Variants in DIP2C observed in about 807,000 individuals in gnomAD.
The protein encoded by DIP2C is disco-interacting protein 2 homolog C.
DIP2C carries 33 observed loss-of-function variants against 192.4 expected under a neutral mutation model. The observed-to-expected ratio is 0.17, with a 90% CI of 0.13 to 0.23. DIP2C has a LOEUF of 0.23. Among genes scored for constraint, DIP2C ranks in the 10% least tolerant of loss-of-function variants. The pLI is 1.00. For synonymous variants in DIP2C, 979 were observed against 864.1 expected (o/e 1.13, Z -2.33); for missense variants, 1,537 against 2,110.1 (o/e 0.73, Z 5.32).
rs1242303313 is a variant in DIP2C, at chr10:371,596, C to T, written c.1992-1963G>A. ...TACCCATCCAGGATAGCTGAGCACC[C>T]AAGGCTGGGGTGAGGCCCAGGGCGG... On this transcript the variant is annotated intron_variant, in intron 17 of 36. Transcript: ENST00000280886. Among the ~76,000 whole-genome samples the T allele has an allele frequency of 2.6e-5, 4 of 151,936 alleles. 1 individual carries two copies. The highest frequency in any genetic ancestry group is 1.3e-4 in the Admixed American group (2 of 15,278).
intron 1 of DIP2C, among the ~76,000 whole-genome samples, chr10:613,872 C>T (rs61833001): frequency 0.032 from 4,874 of 152,176 alleles, 155 homozygotes; most frequent in African/African-American, 0.078. Flanking sequence ...CTCCTGATCT[C>T]GGCCATCTGA....
At chr10:495,356 GCAT>G (rs1370532868) in intron 1 of DIP2C, among the ~76,000 whole-genome samples, 1 of 152,144 alleles carries the variant, frequency 6.6e-6, no homozygotes, top group Non-Finnish European at 1.5e-5. Flanking sequence ...AGTTAACAAT[GCAT>G]CATCTGCCTG....
At chr10:601,687 G>A (rs1300221768) in intron 1 of DIP2C, among the ~76,000 whole-genome samples, 3 of 152,202 alleles carry the variant, frequency 2.0e-5, no homozygotes, top group African/African-American at 4.8e-5. Context: ...ATTTCAAGGT[G>A]GGAGGCGCCC....
chr10:424,971 A>ATGACCAGCG (rs1966480436), intron 4 of DIP2C, among the ~76,000 whole-genome samples: 1 of 144,468 alleles, frequency 6.9e-6, no homozygotes. Context: ...CATGACCAGC[A>ATGACCAGCG]GTGACTAATA....
chr10:616,217 G>A (rs972948756), intron 1 of DIP2C, among the ~76,000 whole-genome samples: 25 of 152,272 alleles, frequency 1.6e-4, no homozygotes, highest in East Asian at 3.9e-4. Context: ...TCAAGCAGCC[G>A]TTTGTAATCT....
intron 1 of DIP2C, chr10:631,155 GTATT>G (rs1373370100): frequency 2.0e-5 from 3 of 152,256 alleles, no homozygotes; most frequent in African/African-American, 7.2e-5. Flanking sequence ...CTTGCTTAAA[GTATT>G]AATTTCCTAA....
At chr10:324,895 C>T (rs1253250549) in intron 31 of DIP2C, 1 of 528,636 alleles carries the variant, frequency 1.9e-6, no homozygotes, top group African/African-American at 1.9e-5. Context: ...GTTTTTCTTT[C>T]ATCTCCATGT....
At chr10:617,216 G>A (rs986513785) in intron 1 of DIP2C, among the ~76,000 whole-genome samples, 13 of 55,450 alleles carry the variant, frequency 2.3e-4, no homozygotes, top group Non-Finnish European at 4.3e-4. Context: ...TGAAATACAC[G>A]ACCTCCGCCC....
At chr10:547,702 A>ATGACCACGTGCTT (rs1848357079) in intron 1 of DIP2C, among the ~76,000 whole-genome samples, 1 of 152,232 alleles carries the variant, frequency 6.6e-6, no homozygotes, top group South Asian at 2.1e-4. Flanking sequence ...AGAACTGATG[A>ATGACCACGTGCTT]TGACCACGTG....
At chr10:605,708 C>G (rs955510171) in intron 1 of DIP2C, among the ~76,000 whole-genome samples, 8 of 152,214 alleles carry the variant, frequency 5.3e-5, no homozygotes. Context: ...CTCAATCACC[C>G]ACATTTGCAG....
intron 24 of DIP2C, among the ~76,000 whole-genome samples, chr10:350,862 G>T (rs1175145143): frequency 6.6e-6 from 1 of 152,126 alleles, no homozygotes; most frequent in Non-Finnish European, 1.5e-5. Flanking sequence ...TGGCCAGGAT[G>T]GTCTTGAACT....
At chr10:496,895 C>G (rs143734691) in intron 1 of DIP2C, among the ~76,000 whole-genome samples, 1 of 152,176 alleles carries the variant, frequency 6.6e-6, no homozygotes, top group Non-Finnish European at 1.5e-5. Flanking sequence ...AAGGCCGAGG[C>G]GGGCAGATCA....
chr10:669,575 A>T (rs1857316549), intron 1 of DIP2C: 1 of 152,258 alleles, frequency 6.6e-6, no homozygotes, highest in South Asian at 2.1e-4. Context: ...GATATAATCC[A>T]CTACAAGTCA....
intron 1 of DIP2C, among the ~76,000 whole-genome samples, chr10:565,957 C>T (rs1849444867): frequency 6.6e-6 from 1 of 152,198 alleles, no homozygotes; most frequent in African/African-American, 2.4e-5. Flanking sequence ...GTCACCCACT[C>T]TCCTGCTGGA....
intron 2 of DIP2C, among the ~76,000 whole-genome samples, chr10:479,726 A>G (rs1843447327): frequency 6.6e-6 from 1 of 152,122 alleles, no homozygotes; most frequent in Non-Finnish European, 1.5e-5. Context: ...TCCTATTATA[A>G]TGTTTTAACT....
At chr10:484,053 C>CCTT (rs1216106556) in intron 2 of DIP2C, among the ~76,000 whole-genome samples, 1 of 152,182 alleles carries the variant, frequency 6.6e-6, no homozygotes, top group Non-Finnish European at 1.5e-5. Flanking sequence ...TAAGCAATCC[C>CCTT]CTTCCTCAGC....
intron 32 of DIP2C, among the ~76,000 whole-genome samples, chr10:292,373 G>C (rs3123236): frequency 0.97 from 147,687 of 152,340 alleles, 71,743 homozygotes; most frequent in East Asian, 1. Context: ...TTCTTCTCCA[G>C]TCCAGTATAA....
chr10:410,097 T>C (rs1386104313), intron 8 of DIP2C, among the ~76,000 whole-genome samples: 2 of 152,214 alleles, frequency 1.3e-5, no homozygotes, highest in Non-Finnish European at 2.9e-5. Flanking sequence ...ACAGTGCAAA[T>C]TAAAACACCC....
In DIP2C at chr10:671,392, C is replaced by T. The variant is rs551033466; in HGVS notation, c.85+18102G>A. 4.2e-3 allele frequency among the ~76,000 whole-genome samples: 558 copies of T among 133,928 alleles called. 7 individuals carry two copies. The highest frequency in any genetic ancestry group is 5.2e-3 in the Non-Finnish European group (331 of 63,660). 87.9% of individuals were successfully genotyped at this position (133,928 alleles called of 152,430 possible). ...AGGAAACAGGCCACAGACGCACGGA[C>T]GGAGGAAACGTCACAGACGCACGGA... On this transcript the variant is annotated intron_variant, in intron 1 of 36. Transcript: ENST00000280886.
Sources: allele counts gnomAD v4.1 joint callset (sites outside exome capture counted in the v4.1 genomes callset), GRCh38; gene constraint gnomAD v4.1.1; transcripts MANE v1.5; gene names NCBI Gene and HGNC (gene_info 2026-07-23, HGNC 2026-07-21).